Variants in FLRT2 observed in about 807,000 individuals in gnomAD.
The protein encoded by FLRT2 is leucine-rich repeat transmembrane protein FLRT2.
Under a neutral mutation model 40.0 loss-of-function variants are expected in FLRT2, and 15 were observed. The ratio of observed to expected loss-of-function variants is 0.38; its 90% confidence interval spans 0.25 to 0.58. The LOEUF is 0.58. Among genes scored for constraint, FLRT2 ranks in the 20% least tolerant of loss-of-function variants. FLRT2 has a pLI of 0.71. For synonymous variants in FLRT2, 380 were observed against 336.8 expected, an observed-to-expected ratio of 1.13 and a Z score of -1.41; for missense variants, 726 against 840.0, an observed-to-expected ratio of 0.86 and a Z score of 1.68.
chr14:85,575,645 CT>C, intron 1 of FLRT2, among the ~76,000 whole-genome samples: 1 of 152,088 alleles, frequency 6.6e-6, no homozygotes, highest in Admixed American at 6.5e-5. Flanking sequence ...CTCAACTGCA[CT>C]TTTTTTTCCA....
intron 1 of FLRT2, among the ~76,000 whole-genome samples, chr14:85,539,109 C>T (rs145308012): frequency 6.6e-6 from 1 of 152,044 alleles, no homozygotes; most frequent in Non-Finnish European, 1.5e-5. Flanking sequence ...CATTCGTATC[C>T]ACCCTCATCA....
chr14:85,601,003 A>G (rs1228838247), intron 1 of FLRT2, among the ~76,000 whole-genome samples: 1 of 152,238 alleles, frequency 6.6e-6, no homozygotes, highest in Non-Finnish European at 1.5e-5. Flanking sequence ...AAAAATAGAA[A>G]TAAATAAGCC....
intron 1 of FLRT2, among the ~76,000 whole-genome samples, chr14:85,584,283 C>T (rs905622842): frequency 1.1e-4 from 17 of 152,280 alleles, no homozygotes; most frequent in African/African-American, 3.9e-4. Context: ...CATATGGCTG[C>T]ATAGTATTGA....
At chr14:85,620,919 A>G (rs1403522133) in intron 1 of FLRT2, among the ~76,000 whole-genome samples, 2 of 152,240 alleles carry the variant, frequency 1.3e-5, no homozygotes, top group African/African-American at 4.8e-5. Flanking sequence ...GTTGATAGTG[A>G]CAGGTAATAG....
chr14:85,632,677 T>G lies in FLRT2; in HGVS notation c.*9180T>G, dbSNP rs1214323370. The G allele has an allele frequency of 6.6e-6, 1 of 152,036 alleles. No homozygotes were observed. Among genetic ancestry groups the G allele is most frequent in the African/African-American group, 2.4e-5 (1 of 41,388 alleles). 9.4% of individuals were successfully genotyped at this position (152,036 alleles called of 1,614,324 possible). ...CACTATGTCATATCCCATATAAAAA[T>G]ACAGCATATATCATTTAAAGGTTCA... On this transcript the variant is annotated 3_prime_UTR_variant, in exon 2 of 2. Coordinates refer to ENST00000330753, the MANE Select transcript of FLRT2 (RefSeq NM_013231.6).
At chr14:85,564,665 C>T (rs1890535979) in intron 1 of FLRT2, among the ~76,000 whole-genome samples, 1 of 152,168 alleles carries the variant, frequency 6.6e-6, no homozygotes, top group Non-Finnish European at 1.5e-5. Flanking sequence ...TTTTCTGTGT[C>T]TTTTGAAGAC....
chr14:85,618,968 C>T (rs962147253), intron 1 of FLRT2, among the ~76,000 whole-genome samples: 1 of 152,040 alleles, frequency 6.6e-6, no homozygotes, highest in Admixed American at 6.6e-5. Flanking sequence ...TCCTATGCCA[C>T]CTCAGTTATA....
In FLRT2 at chr14:85,623,513, C is replaced by T. The variant is rs888795422; in HGVS notation, c.*16C>T. The T allele has an allele frequency of 1.3e-5, 19 of 1,416,608 alleles. No individual in the cohort carries two copies. The highest frequency in any genetic ancestry group is 2.9e-5 in the African/African-American group (2 of 69,582). 87.8% of individuals were successfully genotyped at this position (1,416,608 alleles called of 1,614,324 possible). A position where few individuals can be genotyped will look rare whatever the true frequency, so the allele number is the denominator to read the frequency against. ...CCATACGTGACAGCCAGAGGCCCAGCGTTATCAAGGCGGACAATTAGACTC... is the reference window on the plus strand; with the variant it reads ...CCATACGTGACAGCCAGAGGCCCAGTGTTATCAAGGCGGACAATTAGACTC... On this transcript the variant is annotated 3_prime_UTR_variant, in exon 2 of 2. Coordinates refer to ENST00000330753, the MANE Select transcript of FLRT2 (RefSeq NM_013231.6).
intron 1 of FLRT2, among the ~76,000 whole-genome samples, chr14:85,553,075 A>G (rs900479665): frequency 1.3e-5 from 2 of 152,202 alleles, no homozygotes; most frequent in African/African-American, 4.8e-5. Context: ...GGGAATACCT[A>G]AGAGAGCAGC....
intron 1 of FLRT2, among the ~76,000 whole-genome samples, chr14:85,558,504 T>G (rs891895676): frequency 6.6e-6 from 1 of 152,170 alleles, no homozygotes; most frequent in Non-Finnish European, 1.5e-5. Flanking sequence ...TGGTAAAATA[T>G]AGACTGTCAG....
rs1446087408 is a variant in FLRT2, at chr14:85,626,072, C to G, written c.*2575C>G. 6.0e-6 allele frequency: 1 copy of G among 167,046 alleles called. No individual in the cohort carries two copies. The highest frequency in any genetic ancestry group is 1.5e-5 in the Non-Finnish European group (1 of 68,138). The allele number at this position is 167,046 out of a possible 1,614,324, so 10.3% of individuals were successfully genotyped here. A position where few individuals can be genotyped will look rare whatever the true frequency, so the allele number is the denominator to read the frequency against. On this transcript the variant is annotated 3_prime_UTR_variant, in exon 2 of 2. Coordinates refer to ENST00000330753, the MANE Select transcript of FLRT2 (RefSeq NM_013231.6). ...TTCCTGAAGAGATTGAACCTAGTAA[C>G]AGGCTTTATTTTCACCTTGTGTACA...
intron 1 of FLRT2, among the ~76,000 whole-genome samples, chr14:85,553,297 G>A (rs1244294065): frequency 6.6e-6 from 1 of 152,162 alleles, no homozygotes; most frequent in East Asian, 1.9e-4. Context: ...AGGGAGTTTA[G>A]TAGTGGCCAA....
intron 1 of FLRT2, among the ~76,000 whole-genome samples, chr14:85,595,755 G>A (rs1892113607): frequency 1.3e-5 from 2 of 152,114 alleles, no homozygotes; most frequent in Non-Finnish European, 2.9e-5. Flanking sequence ...GGACCCGGAA[G>A]TAAAACCCAT....
chr14:85,570,152 C>A (rs948632387), intron 1 of FLRT2, among the ~76,000 whole-genome samples: 26 of 152,100 alleles, frequency 1.7e-4, no homozygotes, highest in Admixed American at 1.6e-3. Context: ...TAAATTGTAC[C>A]CTGGGCTCCT....
chr14:85,617,465 T>C (rs1028838837), intron 1 of FLRT2, among the ~76,000 whole-genome samples: 1 of 152,092 alleles, frequency 6.6e-6, no homozygotes, highest in South Asian at 2.1e-4. Flanking sequence ...TGCTACTTGG[T>C]GATAGAAGTA....
intron 1 of FLRT2, among the ~76,000 whole-genome samples, chr14:85,605,273 A>T (rs1892555411): frequency 6.6e-6 from 1 of 152,146 alleles, no homozygotes; most frequent in East Asian, 1.9e-4. Context: ...AACATCATTA[A>T]GCCAGTACTG....
At position 85,641,482 on chromosome 14, in the gene FLRT2, T is replaced by C. The variant is rs1894147878; in HGVS notation, c.*17985T>C. ...TCAGTGTTTTAGTGTCTGGTCACTATCTTCAGTGGAGTCAGGTGATGTGAA... is the reference window on the plus strand; with the variant it reads ...TCAGTGTTTTAGTGTCTGGTCACTACCTTCAGTGGAGTCAGGTGATGTGAA... On this transcript the variant is annotated 3_prime_UTR_variant, in exon 2 of 2. Coordinates refer to ENST00000330753, the MANE Select transcript of FLRT2 (RefSeq NM_013231.6). 1 of 152,236 alleles carries C rather than the reference T, an allele frequency of 6.6e-6. No homozygotes were observed. The highest frequency in any genetic ancestry group is 2.4e-5 in the African/African-American group (1 of 41,450). 9.4% of individuals were successfully genotyped at this position (152,236 alleles called of 1,614,324 possible). A position where few individuals can be genotyped will look rare whatever the true frequency, so the allele number is the denominator to read the frequency against.
intron 1 of FLRT2, among the ~76,000 whole-genome samples, chr14:85,593,157 C>G (rs1891976952): frequency 1.3e-5 from 2 of 152,106 alleles, no homozygotes; most frequent in Admixed American, 1.3e-4. Flanking sequence ...AGGTTAACTA[C>G]AAAAGAGAAA....
Position 85,651,063 on chromosome 14 carries a change from T to C in FLRT2, c.*27566T>C, listed in dbSNP as rs904329094. 6.6e-6 allele frequency: 1 copy of C among 152,096 alleles called. No homozygotes were observed. The highest frequency in any genetic ancestry group is 1.5e-5 in the Non-Finnish European group (1 of 68,004). 9.4% of individuals were successfully genotyped at this position (152,096 alleles called of 1,614,324 possible). On this transcript the variant is annotated 3_prime_UTR_variant, in exon 2 of 2. Transcript: ENST00000330753. ...ATTTCCCTCTAAGAACTAATTTAGC[T>C]GCCTCCCTCAATCTTTTATATGTAA... is the stretch of plus-strand genomic sequence containing the variant.
Sources: allele counts gnomAD v4.1 joint callset (sites outside exome capture counted in the v4.1 genomes callset), GRCh38; gene constraint gnomAD v4.1.1; transcripts MANE v1.5; gene names NCBI Gene and HGNC (gene_info 2026-07-23, HGNC 2026-07-21).